Variants in CFAP47 observed in about 807,000 individuals in gnomAD.
CFAP47 encodes cilia- and flagella-associated protein 47.
A neutral mutation model predicts 148.1 loss-of-function variants in CFAP47; 29 were observed. The observed-to-expected ratio is 0.20, with a 90% confidence interval of 0.15 to 0.27. CFAP47 has a LOEUF of 0.27. Among genes scored for constraint, CFAP47 ranks in the 10% least tolerant of loss-of-function variants. The pLI is 1.00. For synonymous variants in CFAP47, 664 were observed against 577.3 expected, an observed-to-expected ratio of 1.15 and a Z score of -2.15; for missense variants, 1,872 against 1,697.5, an observed-to-expected ratio of 1.10 and a Z score of -1.81.
intron 32 of CFAP47, among the ~76,000 whole-genome samples, chrX:36,100,830 G>A (rs4146518): frequency 0.26 from 28,994 of 110,886 alleles, 5,233 homozygotes; most frequent in African/African-American, 0.64. Flanking sequence ...TGTCACAGGC[G>A]CACATTCTTT....
At chrX:36,175,895 C>T (rs1003173434) in intron 39 of CFAP47, among the ~76,000 whole-genome samples, 39 of 113,217 alleles carry the variant, frequency 3.4e-4, no homozygotes, top group Non-Finnish European at 5.6e-4. Context: ...GCCCCTCCCC[C>T]AGCCTCGCTG....
chrX:36,249,176 A>G (rs782469493), intron 48 of CFAP47, among the ~76,000 whole-genome samples: 7 of 110,134 alleles, frequency 6.4e-5, no homozygotes, highest in Non-Finnish European at 1.1e-4. Flanking sequence ...AGAGGCAGTA[A>G]GAGAGAGTAG....
intron 36 of CFAP47, 33 bp from the exon 37 acceptor site, chrX:36,149,075 A>G: frequency 3.4e-6 from 1 of 293,412 alleles, no homozygotes; most frequent in Non-Finnish European, 6.0e-6. Context: ...TAATTTTATA[A>G]TCTTACTTAT....
intron 37 of CFAP47, among the ~76,000 whole-genome samples, chrX:36,153,069 G>A (rs1438673822): frequency 1.0e-5 from 1 of 99,538 alleles, no homozygotes; most frequent in East Asian, 2.8e-4. Flanking sequence ...GGTTTGCCTA[G>A]AAAAATAAAA....
At chrX:36,164,827 C>A (rs1019250895) in intron 39 of CFAP47, among the ~76,000 whole-genome samples, 2 of 111,053 alleles carry the variant, frequency 1.8e-5, no homozygotes, top group African/African-American at 6.5e-5. Flanking sequence ...TGATATCTAC[C>A]CTCTTACATT....
intron 45 of CFAP47, among the ~76,000 whole-genome samples, chrX:36,210,409 A>T (rs782588303): frequency 2.7e-4 from 30 of 112,315 alleles, no homozygotes; most frequent in Middle Eastern, 9.2e-3. Context: ...TAGTGAGCAG[A>T]AGTAGTGTCT....
intron 45 of CFAP47, among the ~76,000 whole-genome samples, chrX:36,217,016 C>G (rs1940165456): frequency 8.9e-6 from 1 of 112,002 alleles, no homozygotes; most frequent in African/African-American, 3.2e-5. Context: ...CAGCTGTTAC[C>G]ATCTTTGTTT....
chrX:35,994,718 GT>G (rs1640136030), intron 18 of CFAP47, among the ~76,000 whole-genome samples: 1 of 110,444 alleles, frequency 9.1e-6, no homozygotes, highest in Admixed American at 9.7e-5. Flanking sequence ...AAAAATGTAG[GT>G]TTTACTAAAC....
At chrX:36,225,467 C>G (rs1037920367) in intron 45 of CFAP47, among the ~76,000 whole-genome samples, 1 of 111,151 alleles carries the variant, frequency 9.0e-6, no homozygotes, top group African/African-American at 3.3e-5. Flanking sequence ...TACATGCACT[C>G]TAATGGTTCT....
intron 62 of CFAP47, among the ~76,000 whole-genome samples, chrX:36,373,884 A>C (rs1261848334): frequency 8.9e-6 from 1 of 112,116 alleles, no homozygotes; most frequent in African/African-American, 3.2e-5. Flanking sequence ...TGCATATGCT[A>C]AACAAAACAT....
At chrX:36,206,224 A>AC (rs782404243) in intron 45 of CFAP47, among the ~76,000 whole-genome samples, 1 of 111,993 alleles carries the variant, frequency 8.9e-6, no homozygotes, top group East Asian at 2.8e-4. Flanking sequence ...TCAGTTTGAG[A>AC]CCCTTCATCA....
chrX:36,128,098 C>T (rs1335296189), intron 33 of CFAP47, among the ~76,000 whole-genome samples: 2 of 110,776 alleles, frequency 1.8e-5, no homozygotes, highest in East Asian at 5.7e-4. Context: ...TTTCTCTTGC[C>T]TGATTTCCCT....
chrX:36,035,471 G>GA (rs1937327038), intron 23 of CFAP47, among the ~76,000 whole-genome samples: 1 of 111,287 alleles, frequency 9.0e-6, no homozygotes, highest in Non-Finnish European at 1.9e-5. Context: ...TTTGGGTTTT[G>GA]AAAAATGCAT....
intron 42 of CFAP47, among the ~76,000 whole-genome samples, chrX:36,196,080 CT>C (rs1396715511): frequency 9.0e-6 from 1 of 111,672 alleles, no homozygotes; most frequent in Non-Finnish European, 1.9e-5. Flanking sequence ...GAAAATTGAA[CT>C]TTTAAGTGCA....
intron 27 of CFAP47, among the ~76,000 whole-genome samples, chrX:36,067,705 T>C (rs371941612): frequency 1.5e-3 from 154 of 103,747 alleles, no homozygotes; most frequent in African/African-American, 5.4e-3. Flanking sequence ...CTCTGTCTCC[T>C]AGGCTGGAGT....
chrX:35,956,020 C>A lies in CFAP47; in HGVS notation c.1234C>A (p.Gln412Lys), dbSNP rs772864004. ...AGGCACAGGACTTCCTGTTTTACTACAGTTTGATCCAGGACCAGTTCTTAA... is the reference window on the plus strand; with the variant it reads ...AGGCACAGGACTTCCTGTTTTACTAAAGTTTGATCCAGGACCAGTTCTTAA... Reference protein sequence around the residue: ...LTGTGLPVLLQFDPGPVLNFK... With the variant: ...LTGTGLPVLLKFDPGPVLNFK... Residue 412 changes from glutamine (Q) to lysine (K), a missense_variant, in exon 8 of 64, where the codon CAG becomes AAG. Gln to Lys is a moderately conservative substitution (Grantham distance 53). Coordinates refer to ENST00000378653, the MANE Select transcript of CFAP47 (RefSeq NM_001304548.2). 1.7e-6 allele frequency: 2 copies of A among 1,211,839 alleles called. No homozygotes were observed. Among genetic ancestry groups the A allele is most frequent in the South Asian group, 3.5e-5 (2 of 56,990 alleles).
chrX:36,351,671 A>G (rs1188212223), intron 59 of CFAP47, among the ~76,000 whole-genome samples: 1 of 112,023 alleles, frequency 8.9e-6, no homozygotes, highest in Non-Finnish European at 1.9e-5. Flanking sequence ...TAATTACTTG[A>G]TTTTTAAATT....
chrX:36,281,343 A>G (rs944155012), intron 50 of CFAP47, among the ~76,000 whole-genome samples: 13 of 112,343 alleles, frequency 1.2e-4, no homozygotes, highest in Non-Finnish European at 2.1e-4. Flanking sequence ...GTGTGTCTGT[A>G]TTTGTGTGTC....
intron 48 of CFAP47, among the ~76,000 whole-genome samples, chrX:36,237,529 C>T (rs1313881243): frequency 9.0e-6 from 1 of 110,912 alleles, no homozygotes; most frequent in African/African-American, 3.3e-5. Context: ...GGGGTTTTAC[C>T]ATGTTGGCCA....
Sources: gnomAD v4.1 joint callset for allele counts (sites outside exome capture counted in the v4.1 genomes callset) on GRCh38, gnomAD v4.1.1 for gene constraint, MANE v1.5 for transcripts, NCBI Gene and HGNC (gene_info 2026-07-23, HGNC 2026-07-21) for gene names.